Variants in FRMD4B observed in about 807,000 individuals in gnomAD.
FRMD4B encodes FERM domain containing 4B.
A neutral mutation model predicts 141.5 loss-of-function variants in FRMD4B; 74 were observed. The ratio of observed to expected loss-of-function variants is 0.52; its 90% CI spans 0.43 to 0.63. The LOEUF (loss-of-function observed/expected upper bound fraction) is 0.63. Among genes scored for constraint, FRMD4B ranks in the 30% least tolerant of loss-of-function variants. The probability of loss-of-function intolerance (pLI) is 0.00; values close to 1 mark genes in which losing one functional copy is unlikely to be tolerated. For missense variants in FRMD4B, 1,366 were observed against 1,253.4 expected (o/e 1.09, Z -1.36); for synonymous variants, 506 against 467.9 (o/e 1.08, Z -1.05).
rs9836305 is a variant in FRMD4B at position 69,181,650 on chromosome 3, G to C, written c.2100C>G (p.His700Gln). The C allele has an allele frequency of 1.2e-6, 2 of 1,613,602 alleles. No homozygotes were observed. Among genetic ancestry groups the C allele is most frequent in the Non-Finnish European group, 1.7e-6 (2 of 1,179,752 alleles). Residue 700 changes from histidine (H) to glutamine (Q), a missense_variant, in exon 21 of 23, where the codon CAC becomes CAG. His to Gln is a conservative substitution (Grantham distance 24). Transcript: ENST00000398540. ...TATCGCTGTCCATCTCGGAGAGCAG[G>C]TGGGACTGGGACTCCAGGCTTCCAC... Reference protein sequence around the residue: ...QRSGSLESQSHLLSEMDSDKP... With the variant: ...QRSGSLESQSQLLSEMDSDKP...
chr3:69,367,118 C>T (rs988941036), intron 1 of FRMD4B, among the ~76,000 whole-genome samples: 9 of 152,136 alleles, frequency 5.9e-5, no homozygotes, highest in African/African-American at 2.2e-4. Context: ...GACACTACTA[C>T]CTTCTGGCAC....
chr3:69,230,768 A>G (rs371163546), intron 7 of FRMD4B, among the ~76,000 whole-genome samples: 1 of 152,054 alleles, frequency 6.6e-6, no homozygotes, highest in Non-Finnish European at 1.5e-5. Flanking sequence ...AAAAATTTAC[A>G]CTAACATTGT....
intron 5 of FRMD4B, chr3:69,250,328 A>G: frequency 2.4e-6 from 1 of 411,050 alleles, no homozygotes; most frequent in Non-Finnish European, 4.4e-6. Flanking sequence ...TCTATTTTAA[A>G]TAGCTGTGGT....
intron 1 of FRMD4B, among the ~76,000 whole-genome samples, chr3:69,516,277 A>C (rs1298581268): frequency 1.3e-5 from 2 of 152,136 alleles, no homozygotes; most frequent in Non-Finnish European, 1.5e-5. Flanking sequence ...GAAACTGCAG[A>C]TATATCATTT....
At chr3:69,469,299 AGAGAG>A (rs1439279897) in intron 1 of FRMD4B, among the ~76,000 whole-genome samples, 1 of 152,216 alleles carries the variant, frequency 6.6e-6, no homozygotes, top group Non-Finnish European at 1.5e-5. Flanking sequence ...GAGAAGAAGC[AGAGAG>A]GGTTAATTTG....
At chr3:69,195,456 T>G in intron 14 of FRMD4B, 92 bp from the exon 15 acceptor site, 2 of 954,630 alleles carry the variant, frequency 2.1e-6, no homozygotes, top group East Asian at 5.4e-5. Flanking sequence ...AAGCTGCTAT[T>G]AAATGGTAGT....
chr3:69,378,347 C>G (rs1704027909), intron 1 of FRMD4B, among the ~76,000 whole-genome samples: 1 of 152,168 alleles, frequency 6.6e-6, no homozygotes, highest in Admixed American at 6.5e-5. Context: ...AGAGGCCAAG[C>G]ATTTAACTGC....
intron 14 of FRMD4B, among the ~76,000 whole-genome samples, chr3:69,196,004 C>G (rs1477076871): frequency 1.3e-5 from 2 of 152,168 alleles, no homozygotes; most frequent in Non-Finnish European, 2.9e-5. Flanking sequence ...AATGTTCTTT[C>G]AAGCCACACC....
chr3:69,244,198 G>A (rs972231563), intron 7 of FRMD4B, among the ~76,000 whole-genome samples: 3 of 152,162 alleles, frequency 2.0e-5, no homozygotes, highest in Non-Finnish European at 4.4e-5. Flanking sequence ...TCTGACAGGT[G>A]GGAAAAAGAT....
chr3:69,247,409 A>T (rs1204626862), intron 7 of FRMD4B, among the ~76,000 whole-genome samples: 1 of 152,146 alleles, frequency 6.6e-6, no homozygotes, highest in Non-Finnish European at 1.5e-5. Context: ...TGTTTTTTAA[A>T]AATCACCCCC....
intron 8 of FRMD4B, among the ~76,000 whole-genome samples, chr3:69,222,771 C>CAAAAACA (rs2093209283): frequency 1.4e-4 from 1 of 7,164 alleles, no homozygotes; most frequent in South Asian, 0.016. Context: ...AACTCCATCA[C>CAAAAACA]AAAAACAAAA....
At chr3:69,234,227 AGAGT>A (rs2093329923) in intron 7 of FRMD4B, among the ~76,000 whole-genome samples, 1 of 151,094 alleles carries the variant, frequency 6.6e-6, no homozygotes, top group African/African-American at 2.4e-5. Flanking sequence ...CCTGGGTGAC[AGAGT>A]GAGACCCTGT....
At chr3:69,207,320 A>AAAAG (rs1553701276) in intron 11 of FRMD4B, among the ~76,000 whole-genome samples, 1 of 150,648 alleles carries the variant, frequency 6.6e-6, no homozygotes, top group East Asian at 2.0e-4. Context: ...AAAAAAAAAA[A>AAAAG]AAAGAAAGAA....
intron 2 of FRMD4B, among the ~76,000 whole-genome samples, chr3:69,418,859 A>C (rs567974268): frequency 7.0e-6 from 1 of 143,404 alleles, no homozygotes; most frequent in Admixed American, 6.8e-5. Flanking sequence ...ACACACACAT[A>C]TATAATTACA....
chr3:69,177,737 C>T (rs1194497567), intron 21 of FRMD4B, among the ~76,000 whole-genome samples: 2 of 152,148 alleles, frequency 1.3e-5, no homozygotes, highest in Non-Finnish European at 2.9e-5. Flanking sequence ...TTGCGAGAAT[C>T]TTCCCATTCA....
chr3:69,313,555 C>T (rs1483895), intron 1 of FRMD4B, 38 bp from the exon 2 acceptor site: 1,050,841 of 1,350,340 alleles, frequency 0.78, 416,375 homozygotes, highest in Non-Finnish European at 0.82. Flanking sequence ...GTCAGGGCCA[C>T]GGCTGGCAAG....
intron 7 of FRMD4B, among the ~76,000 whole-genome samples, chr3:69,241,764 G>A (rs2093385745): frequency 6.6e-6 from 1 of 152,108 alleles, no homozygotes; most frequent in Non-Finnish European, 1.5e-5. Context: ...CAGGCATGGT[G>A]GCTAATTTCA....
chr3:69,363,195 C>T (rs1220613233), intron 1 of FRMD4B, among the ~76,000 whole-genome samples: 3 of 151,034 alleles, frequency 2.0e-5, no homozygotes, highest in Admixed American at 6.6e-5. Context: ...AGCTGCCATC[C>T]TTGAAGCTCT....
chr3:69,526,528 C>T (rs1052336764), intron 1 of FRMD4B, among the ~76,000 whole-genome samples: 4 of 152,154 alleles, frequency 2.6e-5, no homozygotes, highest in South Asian at 2.1e-4. Flanking sequence ...CCATAAAAAT[C>T]GCATTGGCTC....
Sources: gnomAD v4.1 joint callset for allele counts (sites outside exome capture counted in the v4.1 genomes callset) on GRCh38, gnomAD v4.1.1 for gene constraint, MANE v1.5 for transcripts, NCBI Gene and HGNC (gene_info 2026-07-23, HGNC 2026-07-21) for gene names.